MYO18B: variants seen among roughly 807,000 people sequenced by gnomAD.
The protein encoded by MYO18B is unconventional myosin-XVIIIb.
A neutral mutation model predicts 273.0 loss-of-function variants in MYO18B; 204 were observed. That is an observed-to-expected ratio of 0.75 (90% CI 0.67 to 0.84). MYO18B has a LOEUF of 0.84. Among genes scored for constraint, MYO18B ranks in the 40% least tolerant of loss-of-function variants. The probability of loss-of-function intolerance (pLI) is 0.00; values close to 1 mark genes in which losing one functional copy is unlikely to be tolerated. For synonymous variants in MYO18B, 1,330 were observed against 1,305.7 expected (o/e 1.02, Z -0.40); for missense variants, 3,212 against 3,287.6 (o/e 0.98, Z 0.56).
intron 20 of MYO18B, among the ~76,000 whole-genome samples, chr22:25,851,172 G>A (rs778572286): frequency 6.6e-6 from 1 of 152,226 alleles, no homozygotes; most frequent in Non-Finnish European, 1.5e-5. Context: ...TGACTTGGAT[G>A]CTGACATGGC....
At chr22:25,875,835 T>C (rs997181395) in intron 23 of MYO18B, among the ~76,000 whole-genome samples, 13 of 152,238 alleles carry the variant, frequency 8.5e-5, no homozygotes, top group Non-Finnish European at 1.9e-4. Context: ...GTGGCAGTTT[T>C]TGCCTTGCAT....
chr22:25,848,240 A>T (rs991837680), intron 20 of MYO18B, among the ~76,000 whole-genome samples: 1 of 152,108 alleles, frequency 6.6e-6, no homozygotes, highest in Admixed American at 6.5e-5. Context: ...CCAGGAGATG[A>T]TGATATGACT....
At position 25,907,763 on chromosome 22, in the gene MYO18B, G is replaced by T. The variant is rs558229460; in HGVS notation, c.5149-559G>T. 5.6e-4 allele frequency among the ~76,000 whole-genome samples: 86 copies of T among 152,276 alleles called. No individual in the cohort carries two copies. In the South Asian group the frequency reaches 0.017, roughly 31 times the overall value. On this transcript the variant is annotated intron_variant, in intron 31 of 43. Coordinates refer to ENST00000335473, the MANE Select transcript of MYO18B (RefSeq NM_032608.7). ...GAGTGTTGAGAAGGGGGCCGGGCCC[G>T]GTGGCTCACACCTATAATCCCAGCA...
chr22:25,808,953 GT>G (rs983694137), intron 12 of MYO18B, among the ~76,000 whole-genome samples: 2 of 151,818 alleles, frequency 1.3e-5, no homozygotes, highest in Admixed American at 6.6e-5. Context: ...GACCTGGGCG[GT>G]TTTTTTTGAG....
At chr22:25,997,978 CGA>C (rs5844669) in intron 40 of MYO18B, among the ~76,000 whole-genome samples, 28,800 of 143,970 alleles carry the variant, frequency 0.2, 3,233 homozygotes, top group Non-Finnish European at 0.27. Flanking sequence ...CACACACACA[CGA>C]GAGAGAGAGA....
intron 42 of MYO18B, among the ~76,000 whole-genome samples, chr22:26,020,721 C>T (rs1935741795): frequency 6.6e-6 from 1 of 152,138 alleles, no homozygotes; most frequent in Non-Finnish European, 1.5e-5. Flanking sequence ...CATCATCTCT[C>T]ATTTCTAACA....
chr22:25,903,546 C>T lies in MYO18B; in HGVS notation c.4948-85C>T, dbSNP rs560877252. ...TGGAAAGTGGAAAACGCCACTCCAG[C>T]CCCAGTTGGTTGTAGAGGTATCCCT... On this transcript the variant is annotated intron_variant, in intron 30 of 43. Transcript: ENST00000335473. The T allele has an allele frequency of 8.6e-6, 12 of 1,391,220 alleles. No individual in the cohort carries two copies. The South Asian group carries it at 1.6e-4, about 19-fold the overall frequency. 86.2% of individuals were successfully genotyped at this position (1,391,220 alleles called of 1,614,324 possible).
Position 25,831,321 on chromosome 22 carries a change from T to C in MYO18B, c.2980-1596T>C, listed in dbSNP as rs560569980. Among the ~76,000 whole-genome samples the C allele has an allele frequency of 3.9e-5, 6 of 152,358 alleles. No homozygotes were observed. In the South Asian group the frequency reaches 1.2e-3, roughly 32 times the overall value. ...GGTAGTTTCTAAGTTCAAGGCTTTATAAACAATACTGCAGTGAACATCCTT... is the reference window on the plus strand; with the variant it reads ...GGTAGTTTCTAAGTTCAAGGCTTTACAAACAATACTGCAGTGAACATCCTT... On this transcript the variant is annotated intron_variant, in intron 15 of 43. Coordinates refer to ENST00000335473, the MANE Select transcript of MYO18B (RefSeq NM_032608.7).
At chr22:26,021,925 C>T (rs1392071075) in intron 42 of MYO18B, among the ~76,000 whole-genome samples, 1 of 152,186 alleles carries the variant, frequency 6.6e-6, no homozygotes, top group Non-Finnish European at 1.5e-5. Flanking sequence ...ATGACTATTT[C>T]ATCCACTAAG....
At chr22:25,852,044 A>G (rs961719785) in intron 21 of MYO18B, among the ~76,000 whole-genome samples, 3 of 152,228 alleles carry the variant, frequency 2.0e-5, no homozygotes, top group African/African-American at 7.2e-5. Flanking sequence ...GTGAAAGGTC[A>G]TCATTTGCAA....
At chr22:25,798,206 C>G in intron 12 of MYO18B, 109 bp downstream of exon 12, 1 of 1,349,482 alleles carries the variant, frequency 7.4e-7, no homozygotes, top group Non-Finnish European at 9.8e-7. Flanking sequence ...CTGTCACCTT[C>G]TATGTCTCTG....
downstream of MYO18B, among the ~76,000 whole-genome samples, chr22:26,032,754 C>T (rs903032757): frequency 6.6e-6 from 1 of 152,036 alleles, no homozygotes; most frequent in African/African-American, 2.4e-5. Flanking sequence ...AACTCCCGAC[C>T]TCAGGTGATC....
At chr22:25,848,787 G>A (rs1366041781) in intron 20 of MYO18B, among the ~76,000 whole-genome samples, 1 of 152,182 alleles carries the variant, frequency 6.6e-6, no homozygotes, top group African/African-American at 2.4e-5. Flanking sequence ...AAATGGCTCA[G>A]ACAAGGCCAT....
chr22:25,785,516 G>T, intron 11 of MYO18B, 25 bp downstream of exon 11: 1 of 1,607,062 alleles, frequency 6.2e-7, no homozygotes, highest in South Asian at 1.1e-5. Context: ...CCTCACGGGT[G>T]GGATGTGAGT....
chr22:25,800,673 A>T (rs1368599108), intron 12 of MYO18B, among the ~76,000 whole-genome samples: 3 of 152,210 alleles, frequency 2.0e-5, no homozygotes, highest in Non-Finnish European at 4.4e-5. Flanking sequence ...AGAGACAAGG[A>T]AGTTGAGATA....
chr22:26,044,850 G>A, the MYO18B span, among the ~76,000 whole-genome samples: 1 of 152,206 alleles, frequency 6.6e-6, no homozygotes, highest in African/African-American at 2.4e-5. Flanking sequence ...ATAAGGAGAA[G>A]AGGCCTCTAG....
chr22:25,760,434 A>ACAC (rs1555883284), intron 1 of MYO18B, among the ~76,000 whole-genome samples: 1 of 111,530 alleles, frequency 9.0e-6, no homozygotes, highest in African/African-American at 3.5e-5. Flanking sequence ...AAAAAAAAAA[A>ACAC]CACAAAAACA....
chr22:25,977,502 G>T (rs1239265085), intron 39 of MYO18B, among the ~76,000 whole-genome samples: 1 of 152,156 alleles, frequency 6.6e-6, no homozygotes, highest in Non-Finnish European at 1.5e-5. Flanking sequence ...ATTGTGACCT[G>T]ACAGTGAGGA....
chr22:25,797,312 C>G (rs1431951309), intron 11 of MYO18B, among the ~76,000 whole-genome samples: 1 of 152,192 alleles, frequency 6.6e-6, no homozygotes, highest in East Asian at 1.9e-4. Flanking sequence ...TTCCCTTTGC[C>G]TGTTGGGACT....
Sources: allele counts gnomAD v4.1 joint callset (sites outside exome capture counted in the v4.1 genomes callset), GRCh38; gene constraint gnomAD v4.1.1; transcripts MANE v1.5; gene names NCBI Gene and HGNC (gene_info 2026-07-23, HGNC 2026-07-21).